The following NELL1 variants were observed in gnomAD, a reference collection of about 807,000 sequenced individuals.
NELL1 encodes the protein neural EGFL like 1, also known as protein kinase C-binding protein NELL1.
Under a neutral mutation model 107.4 loss-of-function variants are expected in NELL1, and 76 were observed. The ratio of observed to expected loss-of-function variants is 0.71; its 90% confidence interval spans 0.59 to 0.86. NELL1 has a LOEUF of 0.86. Ranked by LOEUF, NELL1 falls within the 40% of genes least tolerant of loss-of-function variation. The probability of loss-of-function intolerance (pLI) is 0.00; values close to 1 mark genes in which losing one functional copy is unlikely to be tolerated. For missense variants in NELL1, 1,024 were observed against 1,005.5 expected, an observed-to-expected ratio of 1.02 and a Z score of -0.25; for synonymous variants, 353 against 341.2, an observed-to-expected ratio of 1.03 and a Z score of -0.38.
At chr11:21,112,784 C>T (rs1462688748) in intron 12 of NELL1, among the ~76,000 whole-genome samples, 1 of 152,046 alleles carries the variant, frequency 6.6e-6, no homozygotes, top group Non-Finnish European at 1.5e-5. Flanking sequence ...CTCACATTTT[C>T]TGTCTTGGAT....
At chr11:20,921,640 G>T (rs1850378276) in intron 7 of NELL1, among the ~76,000 whole-genome samples, 1 of 152,030 alleles carries the variant, frequency 6.6e-6, no homozygotes, top group African/African-American at 2.4e-5. Context: ...AAATAAAAAA[G>T]AAAGGAAAAG....
intron 14 of NELL1, among the ~76,000 whole-genome samples, chr11:21,312,927 C>T (rs1849781029): frequency 6.6e-6 from 1 of 151,908 alleles, no homozygotes; most frequent in South Asian, 2.1e-4. Flanking sequence ...CATAAGTAAC[C>T]CTTTTATAGC....
intron 12 of NELL1, among the ~76,000 whole-genome samples, chr11:21,049,073 G>A (rs78567176): frequency 0.32 from 49,182 of 151,764 alleles, 9,053 homozygotes; most frequent in African/African-American, 0.51. Context: ...AAGCTCTGAT[G>A]CTGGTATGGC....
Position 21,319,131 on chromosome 11 carries a change from A to ATGTGTGTGTG in NELL1, c.1550-51706_1550-51697dup, listed in dbSNP as rs35208989. On this transcript the variant is annotated intron_variant, in intron 14 of 19. Coordinates refer to ENST00000357134, the MANE Select transcript of NELL1 (RefSeq NM_006157.5). ...CTACTAAGAGTGACATCTCAGCAATATGTGTGTGTGTGTGTGTGTGTGTGT... is the reference window on the plus strand; with the variant it reads ...CTACTAAGAGTGACATCTCAGCAATATGTGTGTGTGTGTGTGTGTGTGTGTGTGTGTGTGT... Among the ~76,000 whole-genome samples, 5 of 146,642 alleles carry ATGTGTGTGTG rather than the reference A, an allele frequency of 3.4e-5. 1 individual carries two copies. Among genetic ancestry groups the ATGTGTGTGTG allele is most frequent in the African/African-American group, 5.0e-5 (2 of 39,876 alleles).
intron 14 of NELL1, among the ~76,000 whole-genome samples, chr11:21,350,947 C>G (rs1448468756): frequency 6.6e-6 from 1 of 152,044 alleles, no homozygotes; most frequent in East Asian, 1.9e-4. Flanking sequence ...AGGACCTTTA[C>G]CGGTGTAGTT....
chr11:20,898,660 GCTATTTCA>G (rs1359502730), intron 5 of NELL1, among the ~76,000 whole-genome samples: 1 of 150,012 alleles, frequency 6.7e-6, no homozygotes, highest in Non-Finnish European at 1.5e-5. Flanking sequence ...GGACTAAGAT[GCTATTTCA>G]CTGTGGTTTT....
At chr11:21,378,232 TA>T (rs1388540703) in intron 15 of NELL1, among the ~76,000 whole-genome samples, 1 of 146,700 alleles carries the variant, frequency 6.8e-6, no homozygotes, top group Non-Finnish European at 1.5e-5. Context: ...TGTAGCATTT[TA>T]AAAAGTCTTT....
intron 12 of NELL1, among the ~76,000 whole-genome samples, chr11:21,090,640 A>G (rs1297253337): frequency 1.3e-5 from 2 of 152,194 alleles, no homozygotes; most frequent in Non-Finnish European, 2.9e-5. Flanking sequence ...AGGTCTGCTT[A>G]AACTTTGGCT....
chr11:21,451,207 AAAAAAAG>A (rs1211161758), intron 15 of NELL1, among the ~76,000 whole-genome samples: 13 of 148,430 alleles, frequency 8.8e-5, no homozygotes, highest in Non-Finnish European at 1.4e-4. Flanking sequence ...AAAAAAGAAA[AAAAAAAG>A]AAAAAAGAAA....
At chr11:20,765,514 G>C (rs1217817992) in intron 2 of NELL1, among the ~76,000 whole-genome samples, 1 of 152,204 alleles carries the variant, frequency 6.6e-6, no homozygotes, top group Non-Finnish European at 1.5e-5. Context: ...TGCTTTAGCT[G>C]GGGGCTGGGG....
chr11:21,560,558 AATTG>A (rs1269716822), intron 17 of NELL1, among the ~76,000 whole-genome samples, 176 bp downstream of exon 17: 5 of 151,924 alleles, frequency 3.3e-5, no homozygotes, highest in African/African-American at 9.7e-5. Flanking sequence ...GCCTGCTTTG[AATTG>A]ATTGTGTTCT....
At chr11:21,157,756 TG>T (rs1163225518) in intron 13 of NELL1, among the ~76,000 whole-genome samples, 8 of 152,226 alleles carry the variant, frequency 5.3e-5, no homozygotes, top group African/African-American at 1.9e-4. Context: ...ATCTTGCCTT[TG>T]GTGATTAGTT....
chr11:20,812,870 A>T (rs993014890), intron 3 of NELL1, among the ~76,000 whole-genome samples: 3 of 150,594 alleles, frequency 2.0e-5, no homozygotes, highest in African/African-American at 7.3e-5. Flanking sequence ...TAGCCGGGCG[A>T]GGTGGCGGGC....
chr11:21,320,904 T>C (rs1254774598), intron 14 of NELL1, among the ~76,000 whole-genome samples: 1 of 152,218 alleles, frequency 6.6e-6, no homozygotes, highest in Non-Finnish European at 1.5e-5. Context: ...TTGACCAAGT[T>C]AATTTAACAT....
intron 2 of NELL1, among the ~76,000 whole-genome samples, chr11:20,695,992 C>G (rs980350919): frequency 6.6e-6 from 1 of 151,948 alleles, no homozygotes; most frequent in Non-Finnish European, 1.5e-5. Flanking sequence ...TCAATTCCTT[C>G]TTGGTTCAAT....
At chr11:20,750,440 T>C (rs1426522107) in intron 2 of NELL1, among the ~76,000 whole-genome samples, 1 of 152,100 alleles carries the variant, frequency 6.6e-6, no homozygotes, top group Admixed American at 6.5e-5. Context: ...CCAGTATATA[T>C]ATTTTTTCTT....
In NELL1 at chr11:20,683,976, A is replaced by G. The variant is rs988540424; in HGVS notation, c.184+5916A>G. Among the ~76,000 whole-genome samples, 8 of 150,612 alleles carry G rather than the reference A, an allele frequency of 5.3e-5. No homozygotes were observed. The East Asian group carries it at 1.4e-3, about 26-fold the overall frequency. On this transcript the variant is annotated intron_variant, in intron 2 of 19. Transcript: ENST00000357134. ...GCATATGAGATCTACTGAACTTGGG[A>G]AAAATTTGGCCATTATGTCTTCAAA...
At position 21,106,310 on chromosome 11, in the gene NELL1, C is replaced by T. The variant is rs550280911; in HGVS notation, c.1301-7279C>T. On this transcript the variant is annotated intron_variant, in intron 12 of 19. Coordinates refer to ENST00000357134, the MANE Select transcript of NELL1 (RefSeq NM_006157.5). ...CTGCATGTTTCTATGCCTCTATTTC[C>T]TCATCTGTAACATGAGGATGATTCT... Among the ~76,000 whole-genome samples, 3 of 152,118 alleles carry T rather than the reference C, an allele frequency of 2.0e-5. No homozygotes were observed. The East Asian group carries it at 5.9e-4, about 30-fold the overall frequency.
chr11:20,995,955 G>C (rs1237289654), intron 12 of NELL1, among the ~76,000 whole-genome samples: 1 of 152,160 alleles, frequency 6.6e-6, no homozygotes. Context: ...AACGAGATTT[G>C]GATTAAAGGA....
Sources: allele counts gnomAD v4.1 joint callset (sites outside exome capture counted in the v4.1 genomes callset), GRCh38; gene constraint gnomAD v4.1.1; transcripts MANE v1.5; gene names NCBI Gene and HGNC (gene_info 2026-07-23, HGNC 2026-07-21).